The following PLD1 variants were observed in gnomAD, a reference collection of about 807,000 sequenced individuals.
The protein encoded by PLD1 is choline phosphatase 1.
Under a neutral mutation model 137.1 loss-of-function variants are expected in PLD1, and 112 were observed. The ratio of observed to expected loss-of-function variants is 0.82; its 90% CI spans 0.70 to 0.96. PLD1 has a LOEUF of 0.96. PLD1 is among the 40% of genes least tolerant of loss of function. The probability of loss-of-function intolerance (pLI) is 0.00; values close to 1 mark genes in which losing one functional copy is unlikely to be tolerated. For missense variants in PLD1, 1,321 were observed against 1,342.0 expected, an observed-to-expected ratio of 0.98 and a Z score of 0.24; for synonymous variants, 431 against 454.7, an observed-to-expected ratio of 0.95 and a Z score of 0.66.
intron 1 of PLD1, among the ~76,000 whole-genome samples, chr3:171,747,372 T>A (rs778295302): frequency 5.3e-5 from 8 of 152,270 alleles, no homozygotes; most frequent in Non-Finnish European, 8.8e-5. Context: ...CTGGATGATG[T>A]TCTATGTGAT....
At chr3:171,704,741 TAGGCTCAATACC>T (rs1716538715) in intron 11 of PLD1, among the ~76,000 whole-genome samples, 1 of 152,162 alleles carries the variant, frequency 6.6e-6, no homozygotes, top group Non-Finnish European at 1.5e-5. Context: ...CCTCACAGGA[TAGGCTCAATACC>T]AGAATGGAGA....
intron 12 of PLD1, among the ~76,000 whole-genome samples, chr3:171,696,964 T>C (rs1033743101): frequency 2.7e-4 from 41 of 152,276 alleles, no homozygotes; most frequent in African/African-American, 9.4e-4. Context: ...TCGCCAGGGT[T>C]CAAGGGCCAA....
chr3:171,727,824 T>C (rs1399096416), intron 6 of PLD1, among the ~76,000 whole-genome samples: 2 of 152,188 alleles, frequency 1.3e-5, no homozygotes, highest in Non-Finnish European at 2.9e-5. Flanking sequence ...AACACTACTC[T>C]TGTAAAAAAA....
intron 20 of PLD1, among the ~76,000 whole-genome samples, chr3:171,660,227 A>G (rs931652088): frequency 6.6e-6 from 1 of 152,204 alleles, no homozygotes; most frequent in Non-Finnish European, 1.5e-5. Flanking sequence ...AAGCTTTTAT[A>G]CTTAAGTGCA....
In PLD1 at chr3:171,603,291, G is replaced by T; in HGVS notation, c.3012C>A (p.Cys1004Ter). The change falls in exon 27 of 27, where the codon TGC (cysteine) becomes TGA (stop). Residue 1004 changes from cysteine to a stop codon, truncating the protein, a stop_gained. Coordinates refer to ENST00000351298, the MANE Select transcript of PLD1 (RefSeq NM_002662.5). LOFTEE classifies it high-confidence loss of function. ...AATTGTGTACTTCATCATTGGGAAG[G>T]CACCGGAAAACCTGATTAGAGCATA... ...NATIYDKVFR[C>*]LPNDEVHNLI... 1.2e-6 allele frequency: 2 copies of T among 1,613,364 alleles called. No individual in the cohort carries two copies. The highest frequency in any genetic ancestry group is 1.7e-6 in the Non-Finnish European group (2 of 1,179,460).
At chr3:171,791,529 T>C (rs961560556) in intron 1 of PLD1, among the ~76,000 whole-genome samples, 5 of 151,972 alleles carry the variant, frequency 3.3e-5, no homozygotes, top group Non-Finnish European at 7.4e-5. Context: ...GCAGCTGACA[T>C]GTGTAGGGAA....
intron 1 of PLD1, among the ~76,000 whole-genome samples, chr3:171,742,000 T>C (rs1719813573): frequency 6.6e-6 from 1 of 151,762 alleles, no homozygotes; most frequent in Non-Finnish European, 1.5e-5. Context: ...CATGATCTCA[T>C]TTAATCTTCA....
chr3:171,779,061 C>T (rs1393064542), intron 1 of PLD1, among the ~76,000 whole-genome samples: 1 of 151,966 alleles, frequency 6.6e-6, no homozygotes, highest in South Asian at 2.1e-4. Context: ...TGGTGGCGGG[C>T]GCCTGTAATC....
In PLD1 at chr3:171,602,121, G is replaced by A. The variant is rs927993799; in HGVS notation, c.*957C>T. The A allele has an allele frequency of 6.6e-6, 1 of 152,202 alleles. No homozygotes were observed. Among genetic ancestry groups the A allele is most frequent in the Non-Finnish European group, 1.5e-5 (1 of 68,040 alleles). 9.4% of individuals were successfully genotyped at this position (152,202 alleles called of 1,614,324 possible). A position where few individuals can be genotyped will look rare whatever the true frequency, so the allele number is the denominator to read the frequency against. ...AAAGACAAACTGTATTCACTAGTTT[G>A]ATTTTGAAATGTAGAGATCAAATTT... On this transcript the variant is annotated 3_prime_UTR_variant, in exon 27 of 27. Coordinates refer to ENST00000351298, the MANE Select transcript of PLD1 (RefSeq NM_002662.5).
chr3:171,703,253 A>C lies in PLD1; in HGVS notation c.1146-3427T>G, dbSNP rs76458869. On this transcript the variant is annotated intron_variant, in intron 11 of 26. Transcript: ENST00000351298. ...TCTCTAACATCACACATAACATAAC[A>C]AAACTGCATGCTTTCCTCTTAAGAT... Among the ~76,000 whole-genome samples, 703 of 152,336 alleles carry C rather than the reference A, an allele frequency of 4.6e-3. 3 individuals carry two copies. The highest frequency in any genetic ancestry group is 0.016 in the African/African-American group (679 of 41,578).
At chr3:171,780,584 T>C (rs1032530721) in intron 1 of PLD1, among the ~76,000 whole-genome samples, 1 of 146,658 alleles carries the variant, frequency 6.8e-6, no homozygotes, top group African/African-American at 2.5e-5. Flanking sequence ...CCCAGGAGAG[T>C]GTGGTGAGAA....
intron 1 of PLD1, among the ~76,000 whole-genome samples, chr3:171,781,527 TA>T: frequency 6.6e-6 from 1 of 152,148 alleles, no homozygotes; most frequent in East Asian, 1.9e-4. Flanking sequence ...AAAGAACTAA[TA>T]TTTTATAATA....
chr3:171,618,722 G>GTA (rs1427334553), intron 24 of PLD1, among the ~76,000 whole-genome samples: 2 of 56,932 alleles, frequency 3.5e-5, no homozygotes, highest in East Asian at 3.5e-4. Flanking sequence ...AAGTGTGTAT[G>GTA]TGTGTGTGTG....
intron 1 of PLD1, among the ~76,000 whole-genome samples, chr3:171,752,476 G>A (rs1050319606): frequency 4.6e-5 from 7 of 152,180 alleles, no homozygotes; most frequent in Non-Finnish European, 7.3e-5. Flanking sequence ...TAAGCTCTTT[G>A]AGAACTCAGA....
rs144289377 is a variant in PLD1 at position 171,686,691 on chromosome 3, G to T, written c.1861C>A (p.His621Asn). Residue 621 changes from histidine (H) to asparagine (N), a missense_variant, in exon 16 of 27, where the codon CAT becomes AAT. By Grantham distance (68) the His-to-Asn change is moderately conservative. Transcript: ENST00000351298. ...SESEQGLTRP[H>N]ADTGSIRSLQ... ...CACTTCACAAATTACTTACCAGCAT[G>T]AGGTCTAGTGAGTCCTTGCTCAGAC... 1.0e-3 allele frequency: 1,582 copies of T among 1,528,436 alleles called. 1 individual carries two copies. The highest frequency in any genetic ancestry group is 1.4e-3 in the Non-Finnish European group (1,513 of 1,111,016). The allele number at this position is 1,528,436 out of a possible 1,614,324, so 94.7% of individuals were successfully genotyped here.
intron 1 of PLD1, among the ~76,000 whole-genome samples, chr3:171,751,772 A>G (rs1048843640): frequency 1.8e-4 from 28 of 152,186 alleles, no homozygotes; most frequent in Non-Finnish European, 3.7e-4. Flanking sequence ...AAGCCAAGAC[A>G]GGCGGATCAC....
At chr3:171,647,034 T>C (rs748651715) in intron 21 of PLD1, among the ~76,000 whole-genome samples, 2 of 152,150 alleles carry the variant, frequency 1.3e-5, no homozygotes, top group African/African-American at 4.8e-5. Context: ...TCGGCACTCA[T>C]AGCACATGGC....
chr3:171,656,155 A>ATTTT (rs1342516447), intron 21 of PLD1, among the ~76,000 whole-genome samples: 23 of 61,808 alleles, frequency 3.7e-4, no homozygotes, highest in African/African-American at 1.7e-3. Flanking sequence ...AAATACTATA[A>ATTTT]TTTTATTTAT....
intron 12 of PLD1, among the ~76,000 whole-genome samples, chr3:171,694,553 G>T (rs1715504884): frequency 1.4e-5 from 2 of 140,278 alleles, no homozygotes; most frequent in African/African-American, 2.7e-5. Flanking sequence ...CTGAATAATG[G>T]TTACAAAAAA....
Sources: allele counts gnomAD v4.1 joint callset (sites outside exome capture counted in the v4.1 genomes callset), GRCh38; gene constraint gnomAD v4.1.1; transcripts MANE v1.5; gene names NCBI Gene and HGNC (gene_info 2026-07-23, HGNC 2026-07-21).